The following KAZN variants were observed in gnomAD, a reference collection of about 807,000 sequenced individuals.
The protein encoded by KAZN is kazrin.
In KAZN, 40 loss-of-function variants were observed where a neutral mutation model predicts 87.4. The observed-to-expected ratio is 0.46, with a 90% CI of 0.36 to 0.60. The LOEUF (loss-of-function observed/expected upper bound fraction) is 0.60, where lower values mean the gene tolerates loss of function less well. Ranked by LOEUF, KAZN falls within the 20% of genes least tolerant of loss-of-function variation. The pLI, the probability that KAZN is intolerant of heterozygous loss-of-function variation, is 0.00. For missense variants in KAZN, 898 were observed against 1,073.9 expected, an observed-to-expected ratio of 0.84 and a Z score of 2.29; for synonymous variants, 466 against 458.3, an observed-to-expected ratio of 1.02 and a Z score of -0.22.
intron 1 of KAZN, among the ~76,000 whole-genome samples, chr1:14,009,552 G>T (rs1640192362): frequency 6.6e-6 from 1 of 152,168 alleles, no homozygotes; most frequent in South Asian, 2.1e-4. Context: ...AACCCTTTGA[G>T]ATAGATACTA....
At chr1:14,931,413 C>T (rs895585240) in intron 1 of KAZN, among the ~76,000 whole-genome samples, 8 of 152,016 alleles carry the variant, frequency 5.3e-5, no homozygotes, top group African/African-American at 1.9e-4. Flanking sequence ...CATGCCACTG[C>T]ACTCCATCCT....
At chr1:13,966,392 CT>C (rs1641945702) in intron 1 of KAZN, among the ~76,000 whole-genome samples, 1 of 152,178 alleles carries the variant, frequency 6.6e-6, no homozygotes, top group Admixed American at 6.5e-5. Flanking sequence ...TCTGACCTGT[CT>C]TTACAGTGGC....
intron 2 of KAZN, among the ~76,000 whole-genome samples, chr1:14,502,614 G>A (rs971739687): frequency 2.6e-5 from 4 of 152,018 alleles, no homozygotes; most frequent in African/African-American, 9.7e-5. Flanking sequence ...CAGTTTAAAA[G>A]GTTTACTTTT....
At chr1:14,335,102 C>T (rs564343057) in intron 2 of KAZN, among the ~76,000 whole-genome samples, 4 of 117,896 alleles carry the variant, frequency 3.4e-5, no homozygotes, top group African/African-American at 8.6e-5. Flanking sequence ...ATGAATGACT[C>T]GGTGCCCCCC....
chr1:14,987,290 C>A (rs1386463574), intron 2 of KAZN, among the ~76,000 whole-genome samples: 1 of 152,058 alleles, frequency 6.6e-6, no homozygotes, highest in African/African-American at 2.4e-5. Flanking sequence ...GTCAGGAGTT[C>A]GAGACCAGCC....
At chr1:14,650,541 G>A (rs1050310497) in intron 1 of KAZN, among the ~76,000 whole-genome samples, 6 of 152,132 alleles carry the variant, frequency 3.9e-5, no homozygotes, top group Admixed American at 3.3e-4. Flanking sequence ...GTGAAACCCT[G>A]TCTCAAAAAC....
chr1:15,065,031 T>C lies in KAZN; in HGVS notation c.1099-599T>C, dbSNP rs112739028. On this transcript the variant is annotated intron_variant, in intron 7 of 14. Coordinates refer to ENST00000376030, the MANE Select transcript of KAZN (RefSeq NM_201628.3). ...GTCCTTGGGGTCTTTTTCTTTCTTT[T>C]TTTTTTTTTTTTTTTTTTGAGACGG... is the stretch of plus-strand genomic sequence containing the variant. 4.4e-4 allele frequency among the ~76,000 whole-genome samples: 53 copies of C among 119,692 alleles called. No individual in the cohort carries two copies. The South Asian group carries it at 9.2e-3, about 21-fold the overall frequency. The allele number at this position is 119,692 out of a possible 152,430, so 78.5% of individuals were successfully genotyped here. A position where few individuals can be genotyped will look rare whatever the true frequency, so the allele number is the denominator to read the frequency against.
rs185663923 is a variant in KAZN, at chr1:14,661,284, G to A, written c.226+62061G>A. On this transcript the variant is annotated intron_variant, in intron 1 of 14. Transcript: ENST00000376030. Reference sequence around the variant, plus strand: ...TACTCTCTGATAATTCCATCTGAGCGGTCTGTAGCCCTTTCTGCCTGGTTG... The same window carrying A: ...TACTCTCTGATAATTCCATCTGAGCAGTCTGTAGCCCTTTCTGCCTGGTTG... Among the ~76,000 whole-genome samples the A allele has an allele frequency of 5.9e-4, 90 of 152,210 alleles. 1 individual carries two copies. Among genetic ancestry groups the A allele is most frequent in the African/African-American group, 2.0e-3 (85 of 41,542 alleles).
intron 2 of KAZN, among the ~76,000 whole-genome samples, chr1:14,405,606 ATGTGTGTGTG>A (rs111850452): frequency 3.0e-4 from 41 of 136,326 alleles, no homozygotes; most frequent in South Asian, 1.0e-3. Context: ...ACCCAATAAA[ATGTGTGTGTG>A]TGTGTGTGTG....
chr1:14,092,528 G>A (rs2101622641), intron 1 of KAZN, among the ~76,000 whole-genome samples: 1 of 147,762 alleles, frequency 6.8e-6, no homozygotes, highest in South Asian at 2.1e-4. Context: ...TATGTGTGTA[G>A]GGGTATGTAT....
At chr1:14,701,542 C>T (rs1189874961) in intron 1 of KAZN, among the ~76,000 whole-genome samples, 1 of 152,218 alleles carries the variant, frequency 6.6e-6, no homozygotes, top group Non-Finnish European at 1.5e-5. Context: ...CCTATAATCG[C>T]AGCACTTTGG....
intron 8 of KAZN, 72 bp downstream of exon 8, chr1:15,065,825 C>T: frequency 1.3e-6 from 2 of 1,587,166 alleles, no homozygotes; most frequent in South Asian, 1.1e-5. Flanking sequence ...CTGCTGCCCG[C>T]AGGCGTGTCT....
intron 2 of KAZN, among the ~76,000 whole-genome samples, chr1:14,590,043 C>T (rs1676098521): frequency 6.6e-6 from 1 of 152,080 alleles, no homozygotes; most frequent in African/African-American, 2.4e-5. Context: ...GCCTGAGTTT[C>T]ATCTTATGAA....
At chr1:14,097,138 G>A (rs1394604256) in intron 1 of KAZN, among the ~76,000 whole-genome samples, 3 of 152,172 alleles carry the variant, frequency 2.0e-5, no homozygotes, top group East Asian at 3.9e-4. Context: ...AAGTTGGAAA[G>A]TATAGATTGA....
chr1:14,405,367 T>C (rs1432967517), intron 2 of KAZN, among the ~76,000 whole-genome samples: 1 of 152,172 alleles, frequency 6.6e-6, no homozygotes, highest in African/African-American at 2.4e-5. Flanking sequence ...ATCATATAGA[T>C]TTTCAGGAAA....
chr1:14,796,321 G>A lies in KAZN; in HGVS notation c.227-164363G>A, dbSNP rs145280362. 3.6e-3 allele frequency among the ~76,000 whole-genome samples: 551 copies of A among 152,242 alleles called. 8 individuals are homozygous for A. The highest frequency in any genetic ancestry group is 0.013 in the African/African-American group (527 of 41,554). On this transcript the variant is annotated intron_variant, in intron 1 of 14. Coordinates refer to ENST00000376030, the MANE Select transcript of KAZN (RefSeq NM_201628.3). ...CCCAGCCAAAGCTCAGGCCACCTCC[G>A]TTCTCCAAACTCAAGGCCCATGTCT... is the stretch of plus-strand genomic sequence containing the variant.
intron 1 of KAZN, among the ~76,000 whole-genome samples, chr1:14,049,840 A>G (rs1642235346): frequency 6.6e-6 from 1 of 152,230 alleles, no homozygotes. Flanking sequence ...GAAGCCAGAC[A>G]TTGATCAAAG....
intron 1 of KAZN, among the ~76,000 whole-genome samples, chr1:14,951,859 A>G (rs1317729995): frequency 6.6e-6 from 1 of 152,146 alleles, no homozygotes; most frequent in Admixed American, 6.5e-5. Context: ...GTGTACTAAG[A>G]TCACATTTGG....
chr1:14,283,031 A>T (rs1276345891), intron 2 of KAZN, among the ~76,000 whole-genome samples: 1 of 152,224 alleles, frequency 6.6e-6, no homozygotes, highest in Non-Finnish European at 1.5e-5. Flanking sequence ...AACAGAATGG[A>T]AGCATTCGCA....
Sources: allele counts gnomAD v4.1 joint callset (sites outside exome capture counted in the v4.1 genomes callset), GRCh38; gene constraint gnomAD v4.1.1; transcripts MANE v1.5; gene names NCBI Gene and HGNC (gene_info 2026-07-23, HGNC 2026-07-21).